ATF1: variants seen among roughly 807,000 people sequenced by gnomAD.
The protein encoded by ATF1 is cyclic AMP-dependent transcription factor ATF-1.
ATF1 carries 16 observed loss-of-function variants against 34.7 expected under a neutral mutation model. The observed-to-expected ratio is 0.46, with a 90% CI of 0.31 to 0.70. The LOEUF (loss-of-function observed/expected upper bound fraction) is 0.70, where lower values mean the gene tolerates loss of function less well. ATF1 is among the 30% of genes least tolerant of loss of function. The pLI, the probability that ATF1 is intolerant of heterozygous loss-of-function variation, is 0.05. For synonymous variants in ATF1, 105 were observed against 113.1 expected, an observed-to-expected ratio of 0.93 and a Z score of 0.46; for missense variants, 255 against 321.6, an observed-to-expected ratio of 0.79 and a Z score of 1.58.
At chr12:50,798,793 C>T (rs1941460909) in intron 3 of ATF1, among the ~76,000 whole-genome samples, 2 of 152,166 alleles carry the variant, frequency 1.3e-5, no homozygotes, top group African/African-American at 2.4e-5. Flanking sequence ...AGAAACAATA[C>T]AGTCAACTCA....
At position 50,819,729 on chromosome 12, in the gene ATF1, A is replaced by AT; in HGVS notation, c.767dup (p.Glu257ArgfsTer13). On this transcript the variant is annotated frameshift_variant, in exon 7 of 7. Transcript: ENST00000262053. LOFTEE classifies it high-confidence loss of function. Reference sequence around the variant, plus strand: ...CCTGGAAAATCAAAATAAAACTCTAATAGAAGAGTTAAAAACTTTGAAGGA... The same window carrying AT: ...CCTGGAAAATCAAAATAAAACTCTAATTAGAAGAGTTAAAAACTTTGAAGGA... 6.3e-7 allele frequency: 1 copy of AT among 1,598,050 alleles called. No homozygotes were observed. Among genetic ancestry groups the AT allele is most frequent in the Non-Finnish European group, 8.6e-7 (1 of 1,169,206 alleles).
At chr12:50,807,729 A>G (rs1020919630) in intron 3 of ATF1, among the ~76,000 whole-genome samples, 11 of 149,202 alleles carry the variant, frequency 7.4e-5, no homozygotes, top group Non-Finnish European at 1.2e-4. Context: ...ATTCTTAAGC[A>G]TTTCTTTTTT....
At chr12:50,806,345 A>T in intron 3 of ATF1, 2 of 493,514 alleles carry the variant, frequency 4.1e-6, no homozygotes, top group South Asian at 3.0e-5. Context: ...CTTGGCTGTC[A>T]TTGACACCAG....
At chr12:50,809,673 A>G (rs1477759611) in intron 4 of ATF1, 84 bp downstream of exon 4, 15 of 1,369,370 alleles carry the variant, frequency 1.1e-5, no homozygotes, top group Non-Finnish European at 1.5e-5. Flanking sequence ...GAAAACTGTA[A>G]TACTTTGATA....
intron 2 of ATF1, among the ~76,000 whole-genome samples, chr12:50,781,644 G>C (rs1028699651): frequency 6.6e-6 from 1 of 151,954 alleles, no homozygotes; most frequent in African/African-American, 2.4e-5. Flanking sequence ...TAGAGACGGG[G>C]TTTCACCTGT....
chr12:50,785,415 T>C (rs754067189), intron 2 of ATF1, among the ~76,000 whole-genome samples: 1 of 151,928 alleles, frequency 6.6e-6, no homozygotes, highest in Non-Finnish European at 1.5e-5. Context: ...TGGGGGAATG[T>C]TGGCAATCAG....
chr12:50,780,951 C>T (rs1219378092), intron 2 of ATF1, among the ~76,000 whole-genome samples: 1 of 151,612 alleles, frequency 6.6e-6, no homozygotes, highest in Non-Finnish European at 1.5e-5. Flanking sequence ...TAGAACGAGA[C>T]TCCATATCAT....
intron 1 of ATF1, among the ~76,000 whole-genome samples, chr12:50,778,009 T>G (rs1022538638): frequency 1.3e-5 from 2 of 150,528 alleles, no homozygotes; most frequent in Non-Finnish European, 3.0e-5. Flanking sequence ...CCTTGACTCC[T>G]GGGCTGCAGC....
chr12:50,778,028 C>G (rs1201823944), intron 1 of ATF1, among the ~76,000 whole-genome samples: 2 of 150,948 alleles, frequency 1.3e-5, no homozygotes, highest in African/African-American at 4.9e-5. Flanking sequence ...GCAATCCTCT[C>G]GCCTCAGCCT....
intron 2 of ATF1, among the ~76,000 whole-genome samples, chr12:50,788,804 C>G (rs1941241625): frequency 6.6e-6 from 1 of 152,162 alleles, no homozygotes; most frequent in Admixed American, 6.5e-5. Context: ...TGTCTTCTTG[C>G]ATCAGCTCTC....
intron 2 of ATF1, among the ~76,000 whole-genome samples, chr12:50,788,509 G>A (rs1449403659): frequency 3.3e-5 from 5 of 150,310 alleles, no homozygotes; most frequent in East Asian, 1.9e-4. Context: ...TTTGGAAACC[G>A]AGTATTATTC....
chr12:50,764,797 T>A (rs529664663), intron 1 of ATF1: 1 of 152,522 alleles, frequency 6.6e-6, no homozygotes, highest in East Asian at 1.9e-4. Context: ...CCCCTTACCC[T>A]CCTGGAGCTT....
chr12:50,814,201 GCTTT>G lies in ATF1; in HGVS notation c.511+12_511+15del, dbSNP rs1473182134. ...TCAGGTGGTCGTACAAAGTAAGTAT[GCTTT>G]CTGTCTACAGAAAGTCTCCTAACAC... On this transcript the variant is annotated intron_variant, in intron 5 of 6. Coordinates refer to ENST00000262053, the MANE Select transcript of ATF1 (RefSeq NM_005171.5). 1 of 1,613,484 alleles carries G rather than the reference GCTTT, an allele frequency of 6.2e-7. No homozygotes were observed.
chr12:50,765,301 G>A (rs985181434), intron 1 of ATF1, among the ~76,000 whole-genome samples: 1 of 152,066 alleles, frequency 6.6e-6, no homozygotes, highest in African/African-American at 2.4e-5. Context: ...TTTTTTCTTG[G>A]AGTTTATCAT....
At chr12:50,774,682 G>T (rs569423381) in intron 1 of ATF1, among the ~76,000 whole-genome samples, 1 of 151,458 alleles carries the variant, frequency 6.6e-6, no homozygotes, top group South Asian at 2.1e-4. Context: ...AAAACAGTAT[G>T]TACTGTTGTT....
chr12:50,805,151 A>T (rs1592195430), intron 3 of ATF1, among the ~76,000 whole-genome samples: 1 of 152,196 alleles, frequency 6.6e-6, no homozygotes, highest in East Asian at 1.9e-4. Flanking sequence ...GAATGAAGAA[A>T]ATCTGCCAAA....
intron 1 of ATF1, among the ~76,000 whole-genome samples, chr12:50,778,306 A>G (rs895266594): frequency 7.0e-6 from 1 of 142,730 alleles, no homozygotes; most frequent in African/African-American, 2.6e-5. Context: ...GCTCACTGCA[A>G]CCTCCACCTC....
In ATF1 at chr12:50,820,555, G is replaced by A. The variant is rs1301513309; in HGVS notation, c.*776G>A. 5.6e-6 allele frequency: 1 copy of A among 179,124 alleles called. No homozygotes were observed. Among genetic ancestry groups the A allele is most frequent in the African/African-American group, 2.4e-5 (1 of 42,350 alleles). The allele number at this position is 179,124 out of a possible 1,614,324, so 11.1% of individuals were successfully genotyped here. ...AATTGTTTTTTTGAGTCTATATTCTGTATGCAGTTGAATATCCATTACTTA... is the reference window on the plus strand; with the variant it reads ...AATTGTTTTTTTGAGTCTATATTCTATATGCAGTTGAATATCCATTACTTA... On this transcript the variant is annotated 3_prime_UTR_variant, in exon 7 of 7. Transcript: ENST00000262053.
At chr12:50,794,375 A>C (rs1941368547) in intron 2 of ATF1, among the ~76,000 whole-genome samples, 1 of 150,712 alleles carries the variant, frequency 6.6e-6, no homozygotes, top group African/African-American at 2.4e-5. Flanking sequence ...GACCAGCCTG[A>C]CCAACATGGT....
Sources: gnomAD v4.1 joint callset for allele counts (sites outside exome capture counted in the v4.1 genomes callset) on GRCh38, gnomAD v4.1.1 for gene constraint, MANE v1.5 for transcripts, NCBI Gene and HGNC (gene_info 2026-07-23, HGNC 2026-07-21) for gene names.